Variants in SIL1 observed in about 807,000 individuals in gnomAD.
The protein encoded by SIL1 is SIL1 nucleotide exchange factor, also known as nucleotide exchange factor SIL1.
SIL1 carries 40 observed loss-of-function variants against 49.1 expected under a neutral mutation model. The observed-to-expected ratio is 0.81, with a 90% CI of 0.63 to 1.06. The LOEUF (loss-of-function observed/expected upper bound fraction) is 1.06. Ranked by LOEUF, SIL1 falls within the 50% of genes least tolerant of loss-of-function variation. The probability of loss-of-function intolerance (pLI) is 0.00; values close to 1 mark genes in which losing one functional copy is unlikely to be tolerated. For synonymous variants in SIL1, 253 were observed against 250.8 expected (o/e 1.01, Z -0.08); for missense variants, 500 against 572.6 (o/e 0.87, Z 1.29).
chr5:138,948,050 G>T lies in SIL1; in HGVS notation c.1030-577C>A, dbSNP rs1034035614. Among the ~76,000 whole-genome samples, 3 of 152,228 alleles carry T rather than the reference G, an allele frequency of 2.0e-5. No individual in the cohort carries two copies. The highest frequency in any genetic ancestry group is 2.9e-5 in the Non-Finnish European group (2 of 68,044). On this transcript the variant is annotated intron_variant, in intron 9 of 9. Transcript: ENST00000394817. The surrounding 1 kb of genome is among the most constrained non-coding windows in gnomAD (Gnocchi z 4.8). ...GTTACCTGAAGGTCAGAGGTAGAGG[G>T]TTGGGAGGGGGCAGAGATCTCCCGT...
At chr5:139,121,229 A>T in intron 2 of SIL1, 56 bp from the exon 3 acceptor site, 1 of 1,609,538 alleles carries the variant, frequency 6.2e-7, no homozygotes, top group South Asian at 1.1e-5. Context: ...AGGTAAGCAG[A>T]AAAAAAATGG....
chr5:138,974,744 CGG>C (rs1221165796), intron 7 of SIL1, among the ~76,000 whole-genome samples: 2 of 152,172 alleles, frequency 1.3e-5, no homozygotes, highest in African/African-American at 4.8e-5. Flanking sequence ...CACTCAGAGT[CGG>C]TGAGCACAAT....
chr5:139,116,896 G>C (rs1220163952), intron 3 of SIL1, among the ~76,000 whole-genome samples: 1 of 152,168 alleles, frequency 6.6e-6, no homozygotes, highest in Non-Finnish European at 1.5e-5. Flanking sequence ...TCATCTCTGC[G>C]AAGTAGGTAT....
intron 1 of SIL1, among the ~76,000 whole-genome samples, chr5:139,179,322 A>G (rs997330237): frequency 2.0e-5 from 3 of 152,224 alleles, no homozygotes; most frequent in Non-Finnish European, 2.9e-5. Context: ...CAGGGGCAGA[A>G]GCAGGCATTC....
intron 1 of SIL1, among the ~76,000 whole-genome samples, chr5:139,168,825 G>A (rs1751675212): frequency 6.6e-6 from 1 of 152,034 alleles, no homozygotes; most frequent in South Asian, 2.1e-4. Flanking sequence ...AAGTGGGCCT[G>A]ACGGCACGTG....
chr5:139,115,483 C>T (rs1032169054), intron 3 of SIL1, among the ~76,000 whole-genome samples: 1 of 152,160 alleles, frequency 6.6e-6, no homozygotes, highest in Non-Finnish European at 1.5e-5. Flanking sequence ...CCCAGCCCCA[C>T]TCTGACCTCA....
chr5:138,965,459 C>T (rs1430896746), intron 7 of SIL1, among the ~76,000 whole-genome samples: 1 of 152,084 alleles, frequency 6.6e-6, no homozygotes, highest in Non-Finnish European at 1.5e-5. Flanking sequence ...AGGGTGACCA[C>T]ATAATTTATT....
Position 139,145,656 on chromosome 5 carries a change from G to A in SIL1, c.-10-17803C>T, listed in dbSNP as rs1330249892. On this transcript the variant is annotated intron_variant, in intron 1 of 9. Coordinates refer to ENST00000394817, the MANE Select transcript of SIL1 (RefSeq NM_022464.5). ...TGTGTGTGTGTGTGTGTGTGTGTGT[G>A]TGTGTGTGTGTGTGTGTGTGTGTGT... Among the ~76,000 whole-genome samples, 10 of 148,622 alleles carry A rather than the reference G, an allele frequency of 6.7e-5. No individual in the cohort carries two copies. The South Asian group carries it at 1.9e-3, about 28-fold the overall frequency.
chr5:139,035,557 G>A, intron 5 of SIL1: 1 of 488,696 alleles, frequency 2.0e-6, no homozygotes, highest in East Asian at 5.2e-5. Flanking sequence ...CCAATCTTGG[G>A]GGCCAGTGCC....
At chr5:139,174,795 G>A (rs544559745) in intron 1 of SIL1, among the ~76,000 whole-genome samples, 26 of 150,304 alleles carry the variant, frequency 1.7e-4, no homozygotes, top group South Asian at 4.2e-4. Context: ...AAAATTAGCC[G>A]GGCATCATGT....
Position 139,169,872 on chromosome 5 carries a change from C to T in SIL1, c.-11+28397G>A, listed in dbSNP as rs576249426. Among the ~76,000 whole-genome samples the T allele has an allele frequency of 9.9e-5, 15 of 151,870 alleles. No homozygotes were observed. In the East Asian group the frequency reaches 2.7e-3, roughly 27 times the overall value. ...CACGGTCTCCCTCTCCCTCTTTCCACGGTCTCCCTCTCCCTCTCTCTCCAC... is the reference window on the plus strand; with the variant it reads ...CACGGTCTCCCTCTCCCTCTTTCCATGGTCTCCCTCTCCCTCTCTCTCCAC... On this transcript the variant is annotated intron_variant, in intron 1 of 9. Coordinates refer to ENST00000394817, the MANE Select transcript of SIL1 (RefSeq NM_022464.5).
At chr5:139,158,647 A>C (rs1310626751) in intron 1 of SIL1, among the ~76,000 whole-genome samples, 2 of 152,240 alleles carry the variant, frequency 1.3e-5, no homozygotes, top group African/African-American at 4.8e-5. Context: ...TGTGGGGGAG[A>C]AAACCAAAAA....
chr5:139,062,597 G>C (rs1230686889), intron 3 of SIL1, among the ~76,000 whole-genome samples: 1 of 152,114 alleles, frequency 6.6e-6, no homozygotes, highest in Non-Finnish European at 1.5e-5. Context: ...CTCCTTTCCA[G>C]TCCTCAAGGA....
At chr5:139,068,741 A>T (rs1769764212) in intron 3 of SIL1, among the ~76,000 whole-genome samples, 1 of 151,930 alleles carries the variant, frequency 6.6e-6, no homozygotes, top group South Asian at 2.1e-4. Context: ...AGTTCAAGAA[A>T]CCTAATTTCA....
At chr5:139,198,012 C>G (rs1249107203) in intron 1 of SIL1, among the ~76,000 whole-genome samples, 1 of 152,172 alleles carries the variant, frequency 6.6e-6, no homozygotes, top group East Asian at 1.9e-4. Flanking sequence ...CAAAGCCAAT[C>G]TCAAATTTCC....
intron 3 of SIL1, among the ~76,000 whole-genome samples, chr5:139,113,627 A>C (rs531691872): frequency 5.3e-5 from 8 of 152,350 alleles, no homozygotes; most frequent in Admixed American, 2.6e-4. Context: ...GACAAAACTA[A>C]GAATGCAACA....
chr5:139,003,200 G>A (rs1337825402), intron 7 of SIL1, among the ~76,000 whole-genome samples: 4 of 152,088 alleles, frequency 2.6e-5, no homozygotes, highest in African/African-American at 9.7e-5. Context: ...AGCAGGAGAT[G>A]AGCTGAAGAA....
intron 7 of SIL1, among the ~76,000 whole-genome samples, chr5:139,020,962 A>T (rs948375601): frequency 6.6e-6 from 1 of 152,232 alleles, no homozygotes; most frequent in Non-Finnish European, 1.5e-5. Flanking sequence ...GTCCATACAC[A>T]TAAGATGGGG....
intron 7 of SIL1, among the ~76,000 whole-genome samples, chr5:139,008,874 A>G (rs1768184198): frequency 6.6e-6 from 1 of 152,132 alleles, no homozygotes; most frequent in African/African-American, 2.4e-5. Context: ...GGAGTGCTTT[A>G]CTTCCAAGTA....
Sources: gnomAD v4.1 joint callset for allele counts (sites outside exome capture counted in the v4.1 genomes callset) on GRCh38, gnomAD v4.1.1 for gene constraint, Gnocchi (gnomAD v3.1) non-coding constraint, MANE v1.5 for transcripts, NCBI Gene and HGNC (gene_info 2026-07-23, HGNC 2026-07-21) for gene names.